PRDM1: variants seen among roughly 807,000 people sequenced by gnomAD.
The protein encoded by PRDM1 is PR/SET domain 1.
In PRDM1, 13 loss-of-function variants were observed where a neutral mutation model predicts 62.8. That is an observed-to-expected ratio of 0.21 (90% CI 0.13 to 0.33). The LOEUF (loss-of-function observed/expected upper bound fraction) is 0.33. PRDM1 is among the 10% of genes least tolerant of loss of function. The pLI, the probability that PRDM1 is intolerant of heterozygous loss-of-function variation, is 1.00. For missense variants in PRDM1, 895 were observed against 1,058.8 expected, an observed-to-expected ratio of 0.85 and a Z score of 2.15; for synonymous variants, 396 against 417.6, an observed-to-expected ratio of 0.95 and a Z score of 0.63.
At chr6:106,102,841 C>T (rs538208015) in intron 4 of PRDM1, among the ~76,000 whole-genome samples, 2 of 152,072 alleles carry the variant, frequency 1.3e-5, no homozygotes, top group African/African-American at 4.8e-5. Context: ...CGAGCGGCAT[C>T]GTTTTTAAAA....
chr6:106,044,134 A>G (rs1773039479), upstream of PRDM1, among the ~76,000 whole-genome samples: 1 of 151,420 alleles, frequency 6.6e-6, no homozygotes, highest in Non-Finnish European at 1.5e-5. Flanking sequence ...TTGGAAAGCA[A>G]AAGCTTTACA....
rs1051075456 is a variant in PRDM1 at position 106,086,609 on chromosome 6, A to G, written c.42+14A>G. 1 of 1,240,192 alleles carries G rather than the reference A, an allele frequency of 8.1e-7. No individual in the cohort carries two copies. The highest frequency in any genetic ancestry group is 2.4e-5 in the Admixed American group (1 of 40,964). 76.8% of individuals were successfully genotyped at this position (1,240,192 alleles called of 1,614,324 possible). A position where few individuals can be genotyped will look rare whatever the true frequency, so the allele number is the denominator to read the frequency against. ...GGTACGACCTTGGTAAGGAACTTGAATTTTTTTTTTTTAATTCTGAAATTG... is the reference window on the plus strand; with the variant it reads ...GGTACGACCTTGGTAAGGAACTTGAGTTTTTTTTTTTTAATTCTGAAATTG... On this transcript the variant is annotated intron_variant, in intron 1 of 6. Transcript: ENST00000369096.
chr6:106,030,346 T>C (rs1409416046), intron 1 of PRDM1, among the ~76,000 whole-genome samples: 1 of 152,050 alleles, frequency 6.6e-6, no homozygotes, highest in Admixed American at 6.6e-5. Flanking sequence ...AGATTTTCTT[T>C]TGTAGTGATG....
upstream of PRDM1, among the ~76,000 whole-genome samples, chr6:106,083,737 G>A (rs1338206644): frequency 1.3e-5 from 2 of 152,148 alleles, no homozygotes; most frequent in Non-Finnish European, 2.9e-5. Flanking sequence ...AGATAACTGA[G>A]GTTCTTTTCG....
At chr6:106,032,799 T>C (rs1772864752) in intron 1 of PRDM1, among the ~76,000 whole-genome samples, 1 of 152,202 alleles carries the variant, frequency 6.6e-6, no homozygotes, top group South Asian at 2.1e-4. Flanking sequence ...ATAATCACCC[T>C]CATACAATTT....
intron 2 of PRDM1, among the ~76,000 whole-genome samples, chr6:106,091,808 A>C (rs753031565): frequency 1.1e-4 from 17 of 152,110 alleles, no homozygotes; most frequent in Non-Finnish European, 2.2e-4. Flanking sequence ...ATTGCACTCC[A>C]GCCCAGGCAA....
At chr6:106,035,228 A>G (rs1279803204) in intron 1 of PRDM1, among the ~76,000 whole-genome samples, 2 of 152,138 alleles carry the variant, frequency 1.3e-5, no homozygotes, top group Non-Finnish European at 1.5e-5. Flanking sequence ...ATGGTCTGTT[A>G]CTAGGTGTTT....
chr6:106,048,890 G>A (rs900625594), intron 1 of PRDM1, among the ~76,000 whole-genome samples: 5 of 151,800 alleles, frequency 3.3e-5, no homozygotes, highest in Admixed American at 6.6e-5. Context: ...GTACAGTGGC[G>A]TGATCTCGGC....
At chr6:106,074,486 T>C (rs1244313353) in intron 1 of PRDM1, among the ~76,000 whole-genome samples, 1 of 152,212 alleles carries the variant, frequency 6.6e-6, no homozygotes, top group Non-Finnish European at 1.5e-5. Flanking sequence ...GTTCCCAAAC[T>C]AGATAATGCT....
chr6:106,048,918 T>C (rs990148190), intron 1 of PRDM1, among the ~76,000 whole-genome samples: 1 of 152,066 alleles, frequency 6.6e-6, no homozygotes, highest in Non-Finnish European at 1.5e-5. Context: ...AATCTCTGCC[T>C]CCTGGGTTCC....
At chr6:105,998,456 A>G (rs1772377720) in intron 1 of PRDM1, among the ~76,000 whole-genome samples, 1 of 152,174 alleles carries the variant, frequency 6.6e-6, no homozygotes, top group Non-Finnish European at 1.5e-5. Context: ...TACATTTGAC[A>G]TTTCTGTCTC....
rs540214725 is a variant in PRDM1 at position 106,086,340 on chromosome 6, C to A, written c.-214C>A. 7.1e-4 allele frequency: 349 copies of A among 494,564 alleles called. No homozygotes were observed. The highest frequency in any genetic ancestry group is 1.1e-3 in the Non-Finnish European group (301 of 276,530). 30.6% of individuals were successfully genotyped at this position (494,564 alleles called of 1,614,324 possible). A position where few individuals can be genotyped will look rare whatever the true frequency, so the allele number is the denominator to read the frequency against. ...GGGAGGGGAAGCCAGACGGTTAACA[C>A]AGACAAAGTGCTGCCGTGACACTCG... On this transcript the variant is annotated 5_prime_UTR_variant, in exon 1 of 7. Coordinates refer to ENST00000369096, the MANE Select transcript of PRDM1 (RefSeq NM_001198.4).
At chr6:106,012,088 C>T (rs111161464) in intron 1 of PRDM1, among the ~76,000 whole-genome samples, 1 of 142,118 alleles carries the variant, frequency 7.0e-6, no homozygotes, top group Non-Finnish European at 1.5e-5. Flanking sequence ...CACAAACATA[C>T]CACACACACC....
intron 1 of PRDM1, among the ~76,000 whole-genome samples, chr6:106,079,884 G>C (rs1003545888): frequency 3.9e-5 from 6 of 152,222 alleles, no homozygotes; most frequent in Non-Finnish European, 8.8e-5. Flanking sequence ...AAAAGGACAG[G>C]TTATTAACCA....
At chr6:106,038,284 C>T (rs944518171) in intron 1 of PRDM1, among the ~76,000 whole-genome samples, 6 of 151,886 alleles carry the variant, frequency 4.0e-5, no homozygotes, top group Non-Finnish European at 8.8e-5. Context: ...CATACCCAGC[C>T]TGCTATTTTT....
At chr6:106,001,593 GC>G (rs1201471452) in intron 1 of PRDM1, among the ~76,000 whole-genome samples, 2 of 152,094 alleles carry the variant, frequency 1.3e-5, no homozygotes, top group African/African-American at 4.8e-5. Context: ...TTGTTAAGTA[GC>G]CCATCCTTTC....
At chr6:106,000,470 A>G (rs1772413739) in intron 1 of PRDM1, among the ~76,000 whole-genome samples, 1 of 152,200 alleles carries the variant, frequency 6.6e-6, no homozygotes, top group African/African-American at 2.4e-5. Context: ...AAAAAATAAA[A>G]TAAAAAATTA....
upstream of PRDM1, among the ~76,000 whole-genome samples, chr6:106,084,403 A>T (rs1016599171): frequency 2.0e-5 from 3 of 152,318 alleles, no homozygotes; most frequent in Admixed American, 2.0e-4. Flanking sequence ...ATTAATTAAC[A>T]GTGAGTTGAT....
chr6:106,089,571 C>T (rs1486407134), intron 2 of PRDM1, among the ~76,000 whole-genome samples: 1 of 152,148 alleles, frequency 6.6e-6, no homozygotes, highest in Admixed American at 6.5e-5. Flanking sequence ...TTAAATAGAA[C>T]AACGATGCTC....
Sources: gnomAD v4.1 joint callset for allele counts (sites outside exome capture counted in the v4.1 genomes callset) on GRCh38, gnomAD v4.1.1 for gene constraint, MANE v1.5 for transcripts, NCBI Gene and HGNC (gene_info 2026-07-23, HGNC 2026-07-21) for gene names.